Variants in PRH1 observed in about 807,000 individuals in gnomAD.
The protein encoded by PRH1 is salivary acidic proline-rich phosphoprotein 1/2.
In PRH1, 7 loss-of-function variants were observed where a neutral mutation model predicts 7.9. The ratio of observed to expected loss-of-function variants is 0.89; its 90% confidence interval spans 0.50 to 1.67. PRH1 has a LOEUF of 1.67. Among genes scored for constraint, PRH1 ranks in the 40% most tolerant of loss-of-function variants. The pLI is 0.00. For synonymous variants in PRH1, 45 were observed against 80.8 expected, an observed-to-expected ratio of 0.56 and a Z score of 2.38; for missense variants, 109 against 223.6, an observed-to-expected ratio of 0.49 and a Z score of 3.27.
intron 2 of PRH1, among the ~76,000 whole-genome samples, chr12:10,914,568 ATGT>A (rs974905444): frequency 2.0e-5 from 3 of 152,230 alleles, no homozygotes; most frequent in East Asian, 3.9e-4. Context: ...CCTTTGTGCA[ATGT>A]TGTTGTTTTG....
At chr12:10,997,108 T>G (rs1358842432) in intron 1 of PRH1, 2 of 1,614,046 alleles carry the variant, frequency 1.2e-6, no homozygotes, top group Non-Finnish European at 1.7e-6. Flanking sequence ...CAATTTCTTT[T>G]GGTCGCATCT....
At chr12:10,938,551 G>A (rs367647949) in intron 2 of PRH1, 22 of 1,613,864 alleles carry the variant, frequency 1.4e-5, no homozygotes, top group Middle Eastern at 1.6e-4. Context: ...TGGCGTCTCC[G>A]GATATTTTGA....
intron 2 of PRH1, among the ~76,000 whole-genome samples, chr12:10,954,634 A>G (rs1937863562): frequency 6.6e-6 from 1 of 151,784 alleles, no homozygotes; most frequent in African/African-American, 2.4e-5. Context: ...TGACTGGCTA[A>G]TTTTTGTATT....
At chr12:11,075,772 T>A (rs1403345338) in intron 1 of PRH1, among the ~76,000 whole-genome samples, 2 of 144,530 alleles carry the variant, frequency 1.4e-5, no homozygotes, top group Middle Eastern at 3.5e-3. Flanking sequence ...TCTTCTTTGA[T>A]AAGCCTATAA....
chr12:11,083,424 T>C (rs77979306), intron 1 of PRH1, among the ~76,000 whole-genome samples: 43,341 of 110,448 alleles, frequency 0.39, 7,513 homozygotes, highest in Non-Finnish European at 0.46. Context: ...TCAGCAAAAA[T>C]TCTAATTACA....
chr12:10,939,263 A>C, intron 2 of PRH1: 1 of 997,242 alleles, frequency 1.0e-6, no homozygotes, highest in Non-Finnish European at 1.5e-6. Flanking sequence ...TTCTTAATGC[A>C]TTCATCTAAA....
intron 2 of PRH1, among the ~76,000 whole-genome samples, chr12:10,946,670 T>A (rs778448078): frequency 2.8e-4 from 42 of 152,280 alleles, no homozygotes; most frequent in Admixed American, 9.2e-4. Context: ...ATTCCTTATC[T>A]TCTGCTAGCT....
At chr12:11,146,880 A>T (rs1946877473) in intron 1 of PRH1, among the ~76,000 whole-genome samples, 1 of 152,138 alleles carries the variant, frequency 6.6e-6, no homozygotes, top group African/African-American at 2.4e-5. Context: ...ACAAAAAGTA[A>T]ATTACCTAAA....
upstream of PRH1, among the ~76,000 whole-genome samples, chr12:10,885,322 C>A (rs1331154868): frequency 6.6e-6 from 1 of 152,098 alleles, no homozygotes; most frequent in African/African-American, 2.4e-5. Context: ...CTTTCTCATT[C>A]TTTTTCTCGC....
intron 2 of PRH1, chr12:10,964,438 C>T: frequency 8.5e-6 from 2 of 236,326 alleles, no homozygotes; most frequent in South Asian, 8.1e-5. Context: ...TTGAGAGTTT[C>T]AGGTCTTTTA....
intron 2 of PRH1, among the ~76,000 whole-genome samples, chr12:10,890,264 C>T (rs1253077139): frequency 9.9e-5 from 15 of 152,082 alleles, no homozygotes; most frequent in Admixed American, 9.8e-4. Flanking sequence ...ATCTCTCTGG[C>T]ACTTATGAGA....
At chr12:11,129,631 T>G (rs1946266386) in intron 1 of PRH1, among the ~76,000 whole-genome samples, 1 of 152,410 alleles carries the variant, frequency 6.6e-6, no homozygotes, top group Middle Eastern at 3.4e-3. Flanking sequence ...CACAAATGCT[T>G]TCCAGGATGT....
At chr12:11,041,906 A>C (rs1187474105) in intron 1 of PRH1, among the ~76,000 whole-genome samples, 4 of 152,220 alleles carry the variant, frequency 2.6e-5, no homozygotes, top group Non-Finnish European at 5.9e-5. Flanking sequence ...ATTTAAAAGG[A>C]AATGGAAAAT....
At chr12:11,113,688 T>C (rs533011900) in intron 1 of PRH1, among the ~76,000 whole-genome samples, 39 of 152,054 alleles carry the variant, frequency 2.6e-4, no homozygotes, top group Non-Finnish European at 5.1e-4. Flanking sequence ...CCAAAAGCAA[T>C]TGCAACAAAA....
At chr12:10,908,066 A>G (rs112186969) in intron 2 of PRH1, 18 of 253,314 alleles carry the variant, frequency 7.1e-5, no homozygotes, top group African/African-American at 3.5e-4. Flanking sequence ...TTGAAGAGCC[A>G]TTGCCAAACA....
chr12:11,134,115 C>T (rs1423952183), intron 1 of PRH1: 9 of 1,614,102 alleles, frequency 5.6e-6, no homozygotes, highest in South Asian at 4.4e-5. Flanking sequence ...ATTTGGTCAA[C>T]AAAGGAGATC....
intron 1 of PRH1, among the ~76,000 whole-genome samples, chr12:11,163,831 A>G (rs61928608): frequency 6.6e-6 from 1 of 151,354 alleles, no homozygotes; most frequent in African/African-American, 2.4e-5. Flanking sequence ...AGTTTCTAAA[A>G]TCTCACATTT....
chr12:10,989,386 G>C (rs765899984), intron 1 of PRH1, among the ~76,000 whole-genome samples: 2 of 151,952 alleles, frequency 1.3e-5, no homozygotes, highest in Non-Finnish European at 2.9e-5. Flanking sequence ...CTTTTTTGAA[G>C]AGTTATGAAT....
In PRH1 at chr12:10,884,164, A is replaced by G. The variant is rs2135781786; in HGVS notation, c.54T>C (p.Asp18=). ...CCCAATTCATCTTACCTTCATTTAA[A>G]TCCTGAGCTGAGCTGAAGGCCAGCA... is the stretch of plus-strand genomic sequence containing the variant. The part of the protein sequence containing the change: ...VALLAFSSAQ[D]LNEDVSQEDV... The change falls in exon 1 of 4, where the codon GAT becomes GAC. Residue 18 remains aspartate (D), a synonymous_variant. Coordinates refer to ENST00000543626, the MANE Select transcript of PRH1 (RefSeq NM_001393989.1). 6.2e-7 allele frequency: 1 copy of G among 1,614,086 alleles called. No homozygotes were observed. The highest frequency in any genetic ancestry group is 8.5e-7 in the Non-Finnish European group (1 of 1,180,004).
Sources: gnomAD v4.1 joint callset for allele counts (sites outside exome capture counted in the v4.1 genomes callset) on GRCh38, gnomAD v4.1.1 for gene constraint, MANE v1.5 for transcripts, NCBI Gene and HGNC (gene_info 2026-07-23, HGNC 2026-07-21) for gene names.